The following PFDN1 variants were observed in gnomAD, a reference collection of about 807,000 sequenced individuals.
PFDN1 encodes prefoldin subunit 1.
A neutral mutation model predicts 17.3 loss-of-function variants in PFDN1; 6 were observed. That is an observed-to-expected ratio of 0.35 (90% CI 0.19 to 0.69). The LOEUF (loss-of-function observed/expected upper bound fraction) is 0.69, where lower values mean the gene tolerates loss of function less well. Among genes scored for constraint, PFDN1 ranks in the 30% least tolerant of loss-of-function variants. The pLI, the probability that PFDN1 is intolerant of heterozygous loss-of-function variation, is 0.65. For synonymous variants in PFDN1, 58 were observed against 50.1 expected (o/e 1.16, Z -0.67); for missense variants, 113 against 146.2 (o/e 0.77, Z 1.17).
chr5:140,266,698 C>T (rs1765138131), intron 3 of PFDN1, among the ~76,000 whole-genome samples: 1 of 152,244 alleles, frequency 6.6e-6, no homozygotes. Context: ...GTGGAACACA[C>T]ACACACACCT....
At chr5:140,265,525 T>G (rs1765123195) in intron 3 of PFDN1, among the ~76,000 whole-genome samples, 1 of 152,136 alleles carries the variant, frequency 6.6e-6, no homozygotes, top group South Asian at 2.1e-4. Context: ...CAACTGTCTA[T>G]TCAACATCTC....
chr5:140,252,430 GA>G (rs1291461579), intron 3 of PFDN1, among the ~76,000 whole-genome samples: 2 of 152,042 alleles, frequency 1.3e-5, no homozygotes, highest in African/African-American at 4.8e-5. Flanking sequence ...CCCTGAGTGT[GA>G]CCTGCCTTGG....
At chr5:140,268,750 A>C (rs565402907) in intron 3 of PFDN1, among the ~76,000 whole-genome samples, 11 of 152,368 alleles carry the variant, frequency 7.2e-5, no homozygotes, top group African/African-American at 2.6e-4. Flanking sequence ...AGGATAAAGC[A>C]CTATAAATGA....
At chr5:140,265,172 C>G (rs1429616338) in intron 3 of PFDN1, among the ~76,000 whole-genome samples, 1 of 152,064 alleles carries the variant, frequency 6.6e-6, no homozygotes, top group South Asian at 2.1e-4. Context: ...CAGAACTGAC[C>G]ACTTCTGCTG....
chr5:140,290,143 G>A (rs939819873), intron 2 of PFDN1, among the ~76,000 whole-genome samples: 1 of 151,850 alleles, frequency 6.6e-6, no homozygotes, highest in African/African-American at 2.4e-5. Flanking sequence ...ATTTTGTTTC[G>A]GTACTCTCTA....
rs117904877 is a variant in PFDN1 at position 140,298,997 on chromosome 5, C to T, written c.200+1419G>A. ...AACCCCTAACCTCAGGGGATCCACCCACCTTGGCCTCCTGCAGTGCTGAGA... is the reference window on the plus strand; with the variant it reads ...AACCCCTAACCTCAGGGGATCCACCTACCTTGGCCTCCTGCAGTGCTGAGA... On this transcript the variant is annotated intron_variant, in intron 2 of 3. Coordinates refer to ENST00000261813, the MANE Select transcript of PFDN1 (RefSeq NM_002622.5). Among the ~76,000 whole-genome samples the T allele has an allele frequency of 1.3e-3, 201 of 152,242 alleles. 5 individuals carry two copies. The East Asian group carries it at 0.033, about 25-fold the overall frequency.
intron 3 of PFDN1, among the ~76,000 whole-genome samples, chr5:140,264,363 G>T (rs1044775379): frequency 6.6e-6 from 1 of 152,168 alleles, no homozygotes; most frequent in Non-Finnish European, 1.5e-5. Context: ...ATATTAAGTG[G>T]CAGTCAGGGT....
intron 2 of PFDN1, among the ~76,000 whole-genome samples, chr5:140,297,343 A>G (rs1765669884): frequency 6.6e-6 from 1 of 152,216 alleles, no homozygotes; most frequent in Non-Finnish European, 1.5e-5. Context: ...AAATTACTCG[A>G]CTATAAATTC....
chr5:140,295,223 C>T (rs143317450), intron 2 of PFDN1, among the ~76,000 whole-genome samples: 332 of 152,060 alleles, frequency 2.2e-3, no homozygotes, highest in African/African-American at 7.5e-3. Context: ...AATGATGGTC[C>T]TTTCAAACAC....
chr5:140,280,014 C>CCAAAAAAAAAAAAAAAAAAAAAA (rs1335205089), intron 3 of PFDN1, among the ~76,000 whole-genome samples: 5 of 99,108 alleles, frequency 5.0e-5, no homozygotes, highest in African/African-American at 1.0e-4. Flanking sequence ...AAAAAAAAAA[C>CCAAAAAAAAAAAAAAAAAAAAAA]AAAAAAAGAA....
At chr5:140,272,454 G>T (rs1267390157) in intron 3 of PFDN1, among the ~76,000 whole-genome samples, 1 of 148,068 alleles carries the variant, frequency 6.8e-6, no homozygotes, top group Non-Finnish European at 1.5e-5. Context: ...TCCACCTCCC[G>T]GGTTCAAGCA....
intron 3 of PFDN1, among the ~76,000 whole-genome samples, chr5:140,261,648 C>T (rs1765067559): frequency 6.6e-6 from 1 of 152,190 alleles, no homozygotes; most frequent in Non-Finnish European, 1.5e-5. Context: ...TACAAATATA[C>T]TACAATATCA....
At chr5:140,278,569 A>C (rs1475363867) in intron 3 of PFDN1, among the ~76,000 whole-genome samples, 3 of 149,972 alleles carry the variant, frequency 2.0e-5, no homozygotes, top group Non-Finnish European at 4.5e-5. Flanking sequence ...AAAAAAAAAA[A>C]AAAAAAAAAA....
intron 3 of PFDN1, among the ~76,000 whole-genome samples, chr5:140,251,988 G>GT (rs974876720): frequency 5.5e-4 from 79 of 143,876 alleles, no homozygotes; most frequent in African/African-American, 9.3e-4. Context: ...CTCTAAATTA[G>GT]TTTTTTTTTT....
At chr5:140,260,056 G>A (rs1019436775) in intron 3 of PFDN1, among the ~76,000 whole-genome samples, 3 of 151,958 alleles carry the variant, frequency 2.0e-5, no homozygotes, top group Non-Finnish European at 4.4e-5. Context: ...ATCAAAAACC[G>A]GCCAGATGCA....
chr5:140,269,205 G>GTC (rs1025920774), intron 3 of PFDN1, among the ~76,000 whole-genome samples: 2 of 152,010 alleles, frequency 1.3e-5, no homozygotes, highest in Non-Finnish European at 2.9e-5. Context: ...TAGAGATGAG[G>GTC]TCTCACTTTG....
chr5:140,258,301 A>T (rs945302127), intron 3 of PFDN1, among the ~76,000 whole-genome samples: 1 of 152,128 alleles, frequency 6.6e-6, no homozygotes, highest in Non-Finnish European at 1.5e-5. Flanking sequence ...TGCCCAGGAT[A>T]TTGATCCCTC....
chr5:140,279,829 C>T (rs6868938), intron 3 of PFDN1, among the ~76,000 whole-genome samples: 1 of 151,372 alleles, frequency 6.6e-6, no homozygotes, highest in Non-Finnish European at 1.5e-5. Context: ...AATCCCATCT[C>T]TACTAAAAAC....
At chr5:140,279,520 A>G (rs527902815) in intron 3 of PFDN1, among the ~76,000 whole-genome samples, 337 of 151,478 alleles carry the variant, frequency 2.2e-3, no homozygotes, top group Non-Finnish European at 4.0e-3. Flanking sequence ...TTTTTTCCCT[A>G]AAGAGACAAG....
Sources: gnomAD v4.1 joint callset for allele counts (sites outside exome capture counted in the v4.1 genomes callset) on GRCh38, gnomAD v4.1.1 for gene constraint, MANE v1.5 for transcripts, NCBI Gene and HGNC (gene_info 2026-07-23, HGNC 2026-07-21) for gene names.